The following LLGL2 variants were observed in gnomAD, a reference collection of about 807,000 sequenced individuals.
LLGL2 encodes the protein LLGL scribble cell polarity complex component 2.
Under a neutral mutation model 123.2 loss-of-function variants are expected in LLGL2, and 81 were observed. The ratio of observed to expected loss-of-function variants is 0.66; its 90% CI spans 0.55 to 0.79. LLGL2 has a LOEUF of 0.79. Among genes scored for constraint, LLGL2 ranks in the 30% least tolerant of loss-of-function variants. The pLI, the probability that LLGL2 is intolerant of heterozygous loss-of-function variation, is 0.00. For synonymous variants in LLGL2, 577 were observed against 594.1 expected, an observed-to-expected ratio of 0.97 and a Z score of 0.42; for missense variants, 1,273 against 1,414.6, an observed-to-expected ratio of 0.90 and a Z score of 1.61.
chr17:75,564,697 C>A lies in LLGL2; in HGVS notation c.1036+190C>A. Reference sequence around the variant, plus strand: ...GGACAACGTAGGGAGACCCTTGTCTCTACAAAAAATAAAAAAATTAGCCAG... The same window carrying A: ...GGACAACGTAGGGAGACCCTTGTCTATACAAAAAATAAAAAAATTAGCCAG... On this transcript the variant is annotated intron_variant, in intron 10 of 25. Coordinates refer to ENST00000392550, the MANE Select transcript of LLGL2 (RefSeq NM_001031803.2). The surrounding 1 kb of genome is among the most constrained non-coding windows in gnomAD (Gnocchi z 4.9). 1.1e-6 allele frequency: 1 copy of A among 924,536 alleles called. No homozygotes were observed. The highest frequency in any genetic ancestry group is 1.5e-6 in the Non-Finnish European group (1 of 653,396). The allele number at this position is 924,536 out of a possible 1,614,324, so 57.3% of individuals were successfully genotyped here. A position where few individuals can be genotyped will look rare whatever the true frequency, so the allele number is the denominator to read the frequency against.
intron 3 of LLGL2, 104 bp downstream of exon 3, chr17:75,556,247 T>G: frequency 4.6e-6 from 4 of 877,478 alleles, no homozygotes; most frequent in Non-Finnish European, 7.2e-6. Flanking sequence ...TGGGATAAAA[T>G]GAGGGACTTT....
Position 75,563,411 on chromosome 17 carries a change from C to G in LLGL2, c.774C>G (p.Pro258=). The change falls in exon 8 of 26, where the codon CCC becomes CCG. Residue 258 remains proline (P), a synonymous_variant. Coordinates refer to ENST00000392550, the MANE Select transcript of LLGL2 (RefSeq NM_001031803.2). ...CHSDGSYCQW[P]VSSEAQQPEP... ...CTGACGGCAGCTACTGCCAGTGGCC[C>G]GTGTCCAGCGAAGCCCAGCAACCAG... The G allele has an allele frequency of 1.2e-6, 2 of 1,612,844 alleles. No homozygotes were observed. Among genetic ancestry groups the G allele is most frequent in the Non-Finnish European group, 1.7e-6 (2 of 1,180,026 alleles).
At chr17:75,536,876 G>A (rs1181273069) in intron 1 of LLGL2, among the ~76,000 whole-genome samples, 1 of 152,112 alleles carries the variant, frequency 6.6e-6, no homozygotes, top group Non-Finnish European at 1.5e-5. Context: ...CACCCAGGCT[G>A]GAGTGCAGTG....
intron 1 of LLGL2, among the ~76,000 whole-genome samples, chr17:75,538,801 CAG>C (rs1460331004): frequency 2.6e-5 from 4 of 152,158 alleles, no homozygotes; most frequent in Admixed American, 2.0e-4. Context: ...GCAGTAGGAA[CAG>C]GGAACGCACA....
At chr17:75,547,982 T>C (rs1275063207) in intron 2 of LLGL2, among the ~76,000 whole-genome samples, 2 of 152,184 alleles carry the variant, frequency 1.3e-5, no homozygotes, top group African/African-American at 4.8e-5. Flanking sequence ...CAGATATGGA[T>C]TGAGCATACA....
intron 2 of LLGL2, among the ~76,000 whole-genome samples, chr17:75,546,475 C>T (rs1462484594): frequency 1.3e-5 from 2 of 152,094 alleles, no homozygotes; most frequent in African/African-American, 4.8e-5. Flanking sequence ...GTCTGGCTGG[C>T]GGCTGCAGTG....
chr17:75,541,701 G>A (rs972808363), intron 1 of LLGL2, among the ~76,000 whole-genome samples: 5 of 148,976 alleles, frequency 3.4e-5, no homozygotes, highest in Non-Finnish European at 7.4e-5. Flanking sequence ...TCACTCAAGG[G>A]GGATGTGGCT....
intron 1 of LLGL2, among the ~76,000 whole-genome samples, chr17:75,530,834 G>C (rs991876820): frequency 6.6e-6 from 1 of 152,092 alleles, no homozygotes; most frequent in Non-Finnish European, 1.5e-5. Context: ...AAGTCTCTAG[G>C]GGTCAGAAGT....
At chr17:75,555,682 C>T (rs1467688492) in intron 2 of LLGL2, among the ~76,000 whole-genome samples, 1 of 152,150 alleles carries the variant, frequency 6.6e-6, no homozygotes, top group Non-Finnish European at 1.5e-5. Flanking sequence ...GTTCCAAACT[C>T]CCCCTACTTT....
At chr17:75,538,117 G>A (rs535189011) in intron 1 of LLGL2, among the ~76,000 whole-genome samples, 18 of 152,314 alleles carry the variant, frequency 1.2e-4, no homozygotes, top group African/African-American at 4.1e-4. Flanking sequence ...AGCCTGGAAG[G>A]GGGGCCGGGC....
rs377740443 is a variant in LLGL2 at position 75,570,543 on chromosome 17, G to A, written c.2025+45G>A. The A allele has an allele frequency of 4.5e-5, 69 of 1,540,188 alleles. No homozygotes were observed. The African/African-American group carries it at 6.6e-4, about 15-fold the overall frequency. ...TGCGGCCGGCCACGCACCCAGGTTC[G>A]GCTCAGAGCAGCCAGCAGGGGGGCC... On this transcript the variant is annotated intron_variant, in intron 16 of 25. Transcript: ENST00000392550.
chr17:75,561,956 C>A (rs1393651056), intron 6 of LLGL2, among the ~76,000 whole-genome samples: 1 of 152,062 alleles, frequency 6.6e-6, no homozygotes, highest in African/African-American at 2.4e-5. Context: ...ATATTAAAGT[C>A]CCCTTCAACT....
chr17:75,533,618 C>G (rs1422589876), intron 1 of LLGL2: 1 of 152,046 alleles, frequency 6.6e-6, no homozygotes, highest in Non-Finnish European at 1.5e-5. Context: ...CAAGTATTTT[C>G]TGATGCCTCT....
intron 1 of LLGL2, among the ~76,000 whole-genome samples, chr17:75,535,323 CGAAGA>C (rs371634207): frequency 1.2e-3 from 176 of 152,322 alleles, no homozygotes; most frequent in African/African-American, 4.2e-3. Context: ...GGAGCACGAG[CGAAGA>C]GGAGAGGAGA....
chr17:75,536,743 G>A (rs1363629197), intron 1 of LLGL2, among the ~76,000 whole-genome samples: 1 of 152,118 alleles, frequency 6.6e-6, no homozygotes, highest in Non-Finnish European at 1.5e-5. Flanking sequence ...TCAAATATAG[G>A]GATTTTTAAT....
rs2147469563 is a variant in LLGL2, at chr17:75,564,549, G to A, written c.1036+42G>A. The A allele has an allele frequency of 2.5e-6, 4 of 1,611,474 alleles. No individual in the cohort carries two copies. The East Asian group carries it at 6.7e-5, about 27-fold the overall frequency. The stretch of plus-strand genomic sequence containing the variant: ...AGTGGGTGCCCAGGGTTAGGTGTGG[G>A]AGGCATGGGGCAGGACCATCAGTAA... On this transcript the variant is annotated intron_variant, in intron 10 of 25. Transcript: ENST00000392550. The surrounding 1 kb of genome is among the most constrained non-coding windows in gnomAD (Gnocchi z 4.9).
chr17:75,550,596 G>A (rs1408297494), intron 2 of LLGL2, among the ~76,000 whole-genome samples: 1 of 151,902 alleles, frequency 6.6e-6, no homozygotes, highest in Non-Finnish European at 1.5e-5. Flanking sequence ...ACCAGCCTGG[G>A]CAACATAGTG....
intron 2 of LLGL2, among the ~76,000 whole-genome samples, chr17:75,545,611 G>C (rs1239099492): frequency 6.6e-6 from 1 of 152,232 alleles, no homozygotes; most frequent in Non-Finnish European, 1.5e-5. Flanking sequence ...CCCAGGCTGT[G>C]AAGCAGGGAG....
chr17:75,556,142 C>G lies in LLGL2; in HGVS notation c.172C>G (p.Leu58Val). 3 of 1,608,738 alleles carry G rather than the reference C, an allele frequency of 1.9e-6. No individual in the cohort carries two copies. Among genetic ancestry groups the G allele is most frequent in the Non-Finnish European group, 2.5e-6 (3 of 1,179,144 alleles). The change falls in exon 3 of 26, where the codon CTC becomes GTC. Residue 58 changes from leucine (L) to valine (V), a missense_variant and splice_region_variant. Transcript: ENST00000392550. ...CGGCACCCGTTCTGGAGCCATCAAG[C>G]TGTATCCTCCGTCCCCTCGCTCCCA... ...AIGTRSGAIK[L>V]YGAPGVEFMG...
Sources: gnomAD v4.1 joint callset for allele counts (sites outside exome capture counted in the v4.1 genomes callset) on GRCh38, gnomAD v4.1.1 for gene constraint, Gnocchi (gnomAD v3.1) non-coding constraint, MANE v1.5 for transcripts, NCBI Gene and HGNC (gene_info 2026-07-23, HGNC 2026-07-21) for gene names.